SLC6A9: variants seen among roughly 807,000 people sequenced by gnomAD.
The protein encoded by SLC6A9 is sodium- and chloride-dependent glycine transporter 1.
Under a neutral mutation model 70.9 loss-of-function variants are expected in SLC6A9, and 31 were observed. That is an observed-to-expected ratio of 0.44 (90% CI 0.33 to 0.59). SLC6A9 has a LOEUF of 0.59. Among genes scored for constraint, SLC6A9 ranks in the 20% least tolerant of loss-of-function variants. SLC6A9 has a pLI of 0.04. For synonymous variants in SLC6A9, 310 were observed against 341.3 expected (o/e 0.91, Z 1.01); for missense variants, 631 against 845.2 (o/e 0.75, Z 3.14).
intron 5 of SLC6A9, among the ~76,000 whole-genome samples, chr1:44,005,855 C>A (rs183967874): frequency 3.3e-5 from 5 of 152,224 alleles, no homozygotes; most frequent in Non-Finnish European, 1.5e-5. Flanking sequence ...GCCGTGCTGC[C>A]GGGAAGGTAT....
chr1:44,010,772 C>T lies in SLC6A9; in HGVS notation c.141G>A (p.Leu47=). Residue 47 remains leucine (L), a synonymous_variant, in exon 3 of 14, where the codon CTG becomes CTA. Coordinates refer to ENST00000372310, the MANE Select transcript of SLC6A9 (RefSeq NM_001024845.3). The part of the protein sequence containing the change: ...VLTSVGYAVG[L]GNVWRFPYLC... ...GGTATGGGAAGCGCCAGACATTGCC[C>T]AGGCCCACGGCATAGCCCACGCTCG... is the stretch of plus-strand genomic sequence containing the variant. 6.2e-7 allele frequency: 1 copy of T among 1,614,222 alleles called. No individual in the cohort carries two copies. The highest frequency in any genetic ancestry group is 8.5e-7 in the Non-Finnish European group (1 of 1,180,028).
intron 4 of SLC6A9, 42 bp downstream of exon 4, chr1:44,009,923 G>A (rs751274163): frequency 6.6e-5 from 106 of 1,605,114 alleles, no homozygotes; most frequent in Non-Finnish European, 8.7e-5. Context: ...AGGCCGTTGT[G>A]TGTTTGTGTA....
intron 2 of SLC6A9, among the ~76,000 whole-genome samples, chr1:44,022,558 T>C (rs2086902261): frequency 6.6e-6 from 1 of 151,802 alleles, no homozygotes; most frequent in South Asian, 2.1e-4. Flanking sequence ...AATCAGTCAA[T>C]CAGTAGGGGG....
chr1:44,010,463 G>GGGGC, intron 3 of SLC6A9: 1 of 232,526 alleles, frequency 4.3e-6, no homozygotes, highest in Non-Finnish European at 8.6e-6. Context: ...GGGCGGGGGG[G>GGGGC]GGGGGGGGTT....
At chr1:44,028,194 G>A (rs1331112816) in intron 1 of SLC6A9, among the ~76,000 whole-genome samples, 4 of 152,222 alleles carry the variant, frequency 2.6e-5, no homozygotes, top group East Asian at 1.9e-4. Flanking sequence ...GGAACAATAT[G>A]TGGAAAGGCT....
intron 5 of SLC6A9, among the ~76,000 whole-genome samples, chr1:44,004,782 T>C (rs1425649299): frequency 6.6e-6 from 1 of 152,244 alleles, no homozygotes; most frequent in African/African-American, 2.4e-5. Flanking sequence ...TTGGTTTTGG[T>C]TTTGGACCAC....
At chr1:43,998,061 G>A (rs200396861) in intron 12 of SLC6A9, 36 bp from the exon 13 acceptor site, 54 of 1,571,398 alleles carry the variant, frequency 3.4e-5, no homozygotes, top group Middle Eastern at 1.7e-4. Flanking sequence ...GCGTGAGGCC[G>A]ACCCAGAGCC....
chr1:44,022,815 C>G (rs1023847774), intron 2 of SLC6A9, among the ~76,000 whole-genome samples: 1 of 144,462 alleles, frequency 6.9e-6, no homozygotes, highest in Non-Finnish European at 1.5e-5. Flanking sequence ...AAGTGATTTT[C>G]GTGCCACAGC....
chr1:43,996,873 G>GCTGCTGGGTCACGGGCCC lies in SLC6A9; in HGVS notation c.*654_*671dup, dbSNP rs2085880413. 6.5e-6 allele frequency: 1 copy of GCTGCTGGGTCACGGGCCC among 152,982 alleles called. No individual in the cohort carries two copies. The highest frequency in any genetic ancestry group is 2.1e-4 in the South Asian group (1 of 4,854). The allele number at this position is 152,982 out of a possible 1,614,324, so 9.5% of individuals were successfully genotyped here. A position where few individuals can be genotyped will look rare whatever the true frequency, so the allele number is the denominator to read the frequency against. On this transcript the variant is annotated 3_prime_UTR_variant, in exon 14 of 14. Coordinates refer to ENST00000372310, the MANE Select transcript of SLC6A9 (RefSeq NM_001024845.3). ...CCCCAGAAACAAATGCTTTGGGCAG[G>GCTGCTGGGTCACGGGCCC]CTGCTGGGTCACGGGCCCCTGCTGG...
chr1:44,015,159 G>A lies in SLC6A9; in HGVS notation c.31-4277C>T, dbSNP rs530043008. 2.6e-5 allele frequency among the ~76,000 whole-genome samples: 4 copies of A among 152,292 alleles called. No homozygotes were observed. In the South Asian group the frequency reaches 6.2e-4, roughly 24 times the overall value. On this transcript the variant is annotated intron_variant, in intron 2 of 13. Coordinates refer to ENST00000372310, the MANE Select transcript of SLC6A9 (RefSeq NM_001024845.3). ...AAAAAATTAGAAAATACAGAAAAAG[G>A]TAAAGAGGAAATGCAGCAACAAAGC...
intron 12 of SLC6A9, 43 bp downstream of exon 12, chr1:44,000,724 C>T: frequency 7.6e-7 from 1 of 1,323,742 alleles, no homozygotes; most frequent in East Asian, 2.3e-5. Context: ...GACACATGGC[C>T]AAGGGGCAGC....
intron 2 of SLC6A9, among the ~76,000 whole-genome samples, chr1:44,022,118 T>C (rs961498567): frequency 2.6e-5 from 4 of 152,226 alleles, no homozygotes; most frequent in African/African-American, 9.6e-5. Flanking sequence ...CAAGGCAGCA[T>C]TCCCATCCAT....
intron 2 of SLC6A9, among the ~76,000 whole-genome samples, chr1:44,011,310 C>G (rs1028979001): frequency 1.3e-5 from 2 of 152,166 alleles, no homozygotes; most frequent in East Asian, 1.9e-4. Context: ...ACAGCCCCCC[C>G]ACCCGTCGCC....
At chr1:44,010,584 A>T in intron 3 of SLC6A9, 142 bp downstream of exon 3, 2 of 779,302 alleles carry the variant, frequency 2.6e-6, no homozygotes, top group Non-Finnish European at 4.1e-6. Flanking sequence ...AGGGTGCCTA[A>T]GCCAGGGATG....
chr1:44,028,938 T>C (rs1294810384), intron 1 of SLC6A9, among the ~76,000 whole-genome samples: 2 of 151,970 alleles, frequency 1.3e-5, no homozygotes, highest in Non-Finnish European at 2.9e-5. Flanking sequence ...TGGCGAGACT[T>C]GGTGATGAAT....
chr1:44,013,804 G>T lies in SLC6A9; in HGVS notation c.31-2922C>A, dbSNP rs958462654. On this transcript the variant is annotated intron_variant, in intron 2 of 13. Transcript: ENST00000372310. The surrounding 1 kb of genome is among the most constrained non-coding windows in gnomAD (Gnocchi z 5.3). ...ATCCAGGCACTTTCTGGGTGTTCTAGTTCCCTTCCTTGTCCAGATCTCCTC... is the reference window on the plus strand; with the variant it reads ...ATCCAGGCACTTTCTGGGTGTTCTATTTCCCTTCCTTGTCCAGATCTCCTC... Among the ~76,000 whole-genome samples the T allele has an allele frequency of 3.3e-5, 5 of 152,184 alleles. No homozygotes were observed. The highest frequency in any genetic ancestry group is 6.5e-5 in the Admixed American group (1 of 15,280).
At chr1:44,019,125 G>A (rs1448895125) in intron 2 of SLC6A9, among the ~76,000 whole-genome samples, 2 of 152,112 alleles carry the variant, frequency 1.3e-5, no homozygotes, top group East Asian at 3.9e-4. Flanking sequence ...AATCTAGTGA[G>A]CATTAGTAAT....
chr1:44,011,790 G>GCCACCAGCTCAGT, intron 2 of SLC6A9: 1 of 1,523,414 alleles, frequency 6.6e-7, no homozygotes, highest in Non-Finnish European at 9.0e-7. Flanking sequence ...AGAATGTGGG[G>GCCACCAGCTCAGT]CCTGCAGGAC....
chr1:44,024,309 G>T lies in SLC6A9; in HGVS notation c.-32C>A. 1 of 1,613,842 alleles carries T rather than the reference G, an allele frequency of 6.2e-7. No homozygotes were observed. Reference sequence around the variant, plus strand: ...GGTGGGTTGGGGCTCTGGTGACGGGGACCACACTCACAGGCTCTGCTTCCA... The same window carrying T: ...GGTGGGTTGGGGCTCTGGTGACGGGTACCACACTCACAGGCTCTGCTTCCA... On this transcript the variant is annotated 5_prime_UTR_variant, in exon 2 of 14. Transcript: ENST00000372310.
Sources: gnomAD v4.1 joint callset for allele counts (sites outside exome capture counted in the v4.1 genomes callset) on GRCh38, gnomAD v4.1.1 for gene constraint, Gnocchi (gnomAD v3.1) non-coding constraint, MANE v1.5 for transcripts, NCBI Gene and HGNC (gene_info 2026-07-23, HGNC 2026-07-21) for gene names.